CHAF1A: variants seen among roughly 807,000 people sequenced by gnomAD.
CHAF1A encodes the protein chromatin assembly factor 1 subunit A.
A neutral mutation model predicts 93.2 loss-of-function variants in CHAF1A; 5 were observed. That is an observed-to-expected ratio of 0.05 (90% CI 0.03 to 0.11). The LOEUF (loss-of-function observed/expected upper bound fraction) is 0.11, where lower values mean the gene tolerates loss of function less well. Among genes scored for constraint, CHAF1A ranks in the 10% least tolerant of loss-of-function variants. The probability of loss-of-function intolerance (pLI) is 1.00; values close to 1 mark genes in which losing one functional copy is unlikely to be tolerated. For missense variants in CHAF1A, 1,102 were observed against 1,259.9 expected (o/e 0.87, Z 1.90); for synonymous variants, 504 against 510.3 (o/e 0.99, Z 0.17).
Position 4,442,982 on chromosome 19 carries a change from C to A in CHAF1A, c.2828C>A (p.Thr943Asn). The change falls in exon 15 of 15, where the codon ACC becomes AAC. Residue 943 changes from threonine to asparagine, a missense_variant. Thr to Asn is a moderately conservative substitution (Grantham distance 65, BLOSUM62 0). Around this residue, in one of 6 missense-constraint regions of CHAF1A, gnomAD observed 119 missense variants for 102.2 expected, o/e 1.16. Transcript: ENST00000301280. ...GCTGGGGGTGGTGTGGGGGTGGACA[C>A]CGGCAAGGCCACCCTGACCGCGAGC... ...SGAGGGVGVD[T>N]GKATLTASPL... is the part of the protein sequence containing the mutation. 2 of 1,603,894 alleles carry A rather than the reference C, an allele frequency of 1.2e-6. No individual in the cohort carries two copies. The highest frequency in any genetic ancestry group is 1.7e-6 in the Non-Finnish European group (2 of 1,175,908).
At chr19:4,403,151 G>T (rs1039142336) in intron 1 of CHAF1A, among the ~76,000 whole-genome samples, 3 of 152,148 alleles carry the variant, frequency 2.0e-5, no homozygotes, top group East Asian at 3.9e-4. Flanking sequence ...GTTACTGGAT[G>T]CGTTTGTGTC....
At chr19:4,423,651 C>G (rs963946145) in intron 6 of CHAF1A, among the ~76,000 whole-genome samples, 155 bp from the exon 7 acceptor site, 1 of 152,220 alleles carries the variant, frequency 6.6e-6, no homozygotes, top group Non-Finnish European at 1.5e-5. Context: ...TTGGCTGGCT[C>G]AGTTGCGGGT....
At chr19:4,417,907 A>G in intron 3 of CHAF1A, 113 bp from the exon 4 acceptor site, 2 of 665,828 alleles carry the variant, frequency 3.0e-6, no homozygotes, top group Non-Finnish European at 2.7e-6. Context: ...TTGTGACCCT[A>G]TTATGACATT....
intron 7 of CHAF1A, 58 bp downstream of exon 7, chr19:4,423,932 GA>G (rs1974036193): frequency 6.7e-7 from 1 of 1,502,742 alleles, no homozygotes. Flanking sequence ...TTTCCTTTCT[GA>G]AAGTGAAAGG....
Position 4,422,435 on chromosome 19 carries a change from C to A in CHAF1A, c.1018-131C>A. Reference sequence around the variant, plus strand: ...AAGTGCTGGAATTACAGGCGTGAGCCACCATGCCTAGCCTTGGTCCCTCAA... The same window carrying A: ...AAGTGCTGGAATTACAGGCGTGAGCAACCATGCCTAGCCTTGGTCCCTCAA... On this transcript the variant is annotated intron_variant, in intron 4 of 14. Transcript: ENST00000301280. This position sits in a 1 kb window ranked among gnomAD's most constrained non-coding sequence, Gnocchi z 4.6. The A allele has an allele frequency of 1.3e-6, 1 of 770,078 alleles. No homozygotes were observed. The highest frequency in any genetic ancestry group is 2.7e-5 in the East Asian group (1 of 36,914). 47.7% of individuals were successfully genotyped at this position (770,078 alleles called of 1,614,324 possible). A position where few individuals can be genotyped will look rare whatever the true frequency, so the allele number is the denominator to read the frequency against.
At chr19:4,439,276 G>A (rs1022574140) in intron 13 of CHAF1A, among the ~76,000 whole-genome samples, 5 of 150,424 alleles carry the variant, frequency 3.3e-5, no homozygotes, top group Middle Eastern at 6.8e-3. Flanking sequence ...GCAAGTCTGC[G>A]TCTCAGAAAA....
intron 9 of CHAF1A, 50 bp from the exon 10 acceptor site, chr19:4,429,658 T>G: frequency 6.2e-7 from 1 of 1,613,896 alleles, no homozygotes; most frequent in Non-Finnish European, 8.5e-7. Context: ...CTGTGCCCCT[T>G]TCCTCCAGCC....
chr19:4,446,660 C>G (rs202169732), downstream of CHAF1A: 11 of 1,612,298 alleles, frequency 6.8e-6, no homozygotes, highest in African/African-American at 1.1e-4. Context: ...TTGTGCCTCT[C>G]CAGGCTCTGG....
intron 3 of CHAF1A, among the ~76,000 whole-genome samples, chr19:4,414,728 G>A (rs1431946536): frequency 1.3e-5 from 2 of 152,154 alleles, no homozygotes; most frequent in East Asian, 3.8e-4. Context: ...TCTGTGCTTG[G>A]CTTTCACAAA....
intron 1 of CHAF1A, among the ~76,000 whole-genome samples, 165 bp from the exon 2 acceptor site, chr19:4,405,747 T>C (rs1481900373): frequency 6.6e-6 from 1 of 151,860 alleles, no homozygotes; most frequent in Non-Finnish European, 1.5e-5. Flanking sequence ...GAGCCCTCCC[T>C]GCATCATGAC....
intron 7 of CHAF1A, among the ~76,000 whole-genome samples, chr19:4,427,167 T>TTTTTTGTTTTTG: frequency 1.3e-5 from 1 of 77,288 alleles, no homozygotes; most frequent in Non-Finnish European, 2.6e-5. Flanking sequence ...TTTTTTTTTT[T>TTTTTTGTTTTTG]GAGAAGGAGT....
chr19:4,425,688 C>A (rs192828238), intron 7 of CHAF1A, among the ~76,000 whole-genome samples: 1 of 152,290 alleles, frequency 6.6e-6, no homozygotes, highest in Admixed American at 6.5e-5. Flanking sequence ...AGGGGGGGTC[C>A]CTGCACATGC....
At chr19:4,423,492 T>C (rs1401800273) in intron 6 of CHAF1A, 97 bp downstream of exon 6, 2 of 1,587,182 alleles carry the variant, frequency 1.3e-6, no homozygotes, top group Non-Finnish European at 1.7e-6. Flanking sequence ...AATATTCTCT[T>C]GGTTTGGGGA....
chr19:4,419,552 C>CTT (rs1452844062), intron 4 of CHAF1A, among the ~76,000 whole-genome samples: 6 of 152,040 alleles, frequency 3.9e-5, no homozygotes, highest in Non-Finnish European at 7.4e-5. Flanking sequence ...GCCTCAGCCT[C>CTT]TCGAGTAGCT....
At position 4,429,575 on chromosome 19, in the gene CHAF1A, T is replaced by C. The variant is rs775940327; in HGVS notation, c.1742T>C (p.Ile581Thr). The C allele has an allele frequency of 6.2e-7, 1 of 1,613,944 alleles. No individual in the cohort carries two copies. Among genetic ancestry groups the C allele is most frequent in the Non-Finnish European group, 8.5e-7 (1 of 1,179,960 alleles). The change falls in exon 9 of 15, where the codon ATC becomes ACC. Residue 581 changes from isoleucine (I) to threonine (T), a missense_variant. Transcript: ENST00000301280. ...ACCTGGAATAAGAAGACGGCACTCA[T>C]CCGCGCGCGAGACCCCTGGGCCCAG... ...WGTWNKKTAL[I>T]RARDPWAQDT...
Position 4,443,223 on chromosome 19 carries a change from C to T in CHAF1A, c.*198C>T. The T allele has an allele frequency of 1.7e-6, 1 of 586,386 alleles. No individual in the cohort carries two copies. 36.3% of individuals were successfully genotyped at this position (586,386 alleles called of 1,614,324 possible). ...CCCCAAGAGCCGCATATGAATCTGC[C>T]CTTTAATAAAGCATTATTGAGATTG... On this transcript the variant is annotated 3_prime_UTR_variant, in exon 15 of 15. Transcript: ENST00000301280.
intron 1 of CHAF1A, among the ~76,000 whole-genome samples, chr19:4,405,291 A>AT (rs1973659316): frequency 6.6e-6 from 1 of 152,144 alleles, no homozygotes; most frequent in South Asian, 2.1e-4. Flanking sequence ...AGAAAATAAA[A>AT]CAAGACATGA....
chr19:4,419,924 C>T (rs187877139), intron 4 of CHAF1A, among the ~76,000 whole-genome samples: 1 of 152,214 alleles, frequency 6.6e-6, no homozygotes, highest in African/African-American at 2.4e-5. Context: ...GACTCTTCAC[C>T]CAGTTATGTT....
intron 7 of CHAF1A, among the ~76,000 whole-genome samples, chr19:4,428,203 G>T (rs1447568767): frequency 6.7e-6 from 1 of 149,956 alleles, no homozygotes; most frequent in Non-Finnish European, 1.5e-5. Flanking sequence ...TGTTGGGCAG[G>T]CTGGTCTCGA....
Sources: gnomAD v4.1 joint callset for allele counts (sites outside exome capture counted in the v4.1 genomes callset) on GRCh38, gnomAD v4.1.1 for gene constraint, gnomAD v4.1.1 regional missense constraint, Gnocchi (gnomAD v3.1) non-coding constraint, MANE v1.5 for transcripts, NCBI Gene and HGNC (gene_info 2026-07-23, HGNC 2026-07-21) for gene names.